The following SSBP2 variants were observed in gnomAD, a reference collection of about 807,000 sequenced individuals.
SSBP2 encodes single stranded DNA binding protein 2.
Under a neutral mutation model 61.8 loss-of-function variants are expected in SSBP2, and 17 were observed. The ratio of observed to expected loss-of-function variants is 0.28; its 90% CI spans 0.19 to 0.41. The LOEUF is 0.41. Ranked by LOEUF, SSBP2 falls within the 10% of genes least tolerant of loss-of-function variation. SSBP2 has a pLI of 1.00. For synonymous variants in SSBP2, 139 were observed against 141.3 expected, an observed-to-expected ratio of 0.98 and a Z score of 0.12; for missense variants, 310 against 458.7, an observed-to-expected ratio of 0.68 and a Z score of 2.96.
At chr5:81,732,913 A>G (rs80140245) in intron 1 of SSBP2, among the ~76,000 whole-genome samples, 3,385 of 152,266 alleles carry the variant, frequency 0.022, 124 homozygotes, top group African/African-American at 0.077. Context: ...ATCTCTTGTC[A>G]TTTCAGACAA....
chr5:81,515,845 A>G (rs1439903686), intron 4 of SSBP2, among the ~76,000 whole-genome samples: 1 of 151,888 alleles, frequency 6.6e-6, no homozygotes, highest in Non-Finnish European at 1.5e-5. Context: ...AGATTTAAGC[A>G]AGTTAAACCT....
intron 15 of SSBP2, among the ~76,000 whole-genome samples, chr5:81,432,175 G>A (rs1762330580): frequency 6.6e-6 from 1 of 151,972 alleles, no homozygotes; most frequent in Non-Finnish European, 1.5e-5. Context: ...TTCTCCCAGT[G>A]GGCACAAATG....
intron 3 of SSBP2, chr5:81,616,410 G>T (rs1415477877): frequency 1.4e-5 from 2 of 146,538 alleles, no homozygotes; most frequent in African/African-American, 5.1e-5. Context: ...AAGAAACGGC[G>T]CACCACGAGA....
At chr5:81,563,795 G>C (rs771264940) in intron 4 of SSBP2, among the ~76,000 whole-genome samples, 4 of 152,086 alleles carry the variant, frequency 2.6e-5, no homozygotes, top group East Asian at 3.9e-4. Context: ...AAAACTACTA[G>C]AGAAACATGA....
intron 5 of SSBP2, among the ~76,000 whole-genome samples, chr5:81,505,067 T>G (rs1768076614): frequency 6.6e-6 from 1 of 152,234 alleles, no homozygotes; most frequent in Admixed American, 6.5e-5. Flanking sequence ...CCTTTGGATC[T>G]CTCATAGGCT....
chr5:81,727,405 C>A (rs532081717), intron 1 of SSBP2, among the ~76,000 whole-genome samples: 13 of 152,030 alleles, frequency 8.6e-5, no homozygotes, highest in Non-Finnish European at 1.3e-4. Context: ...CAAAGTTAGC[C>A]GGGAGTGGTG....
At chr5:81,596,166 A>G (rs1743726818) in intron 4 of SSBP2, among the ~76,000 whole-genome samples, 1 of 152,206 alleles carries the variant, frequency 6.6e-6, no homozygotes, top group Admixed American at 6.5e-5. Flanking sequence ...CAATCTACAA[A>G]AATCACAAGC....
intron 15 of SSBP2, among the ~76,000 whole-genome samples, chr5:81,435,196 C>T (rs1426130759): frequency 6.6e-6 from 1 of 152,138 alleles, no homozygotes; most frequent in African/African-American, 2.4e-5. Flanking sequence ...ATTAACTTTG[C>T]TTTGTAAAAA....
chr5:81,695,064 C>T (rs182191892), intron 1 of SSBP2, among the ~76,000 whole-genome samples: 3 of 152,262 alleles, frequency 2.0e-5, no homozygotes, highest in Non-Finnish European at 2.9e-5. Flanking sequence ...GCTTCAATTA[C>T]AGATAATGTT....
chr5:81,750,705 C>A, intron 1 of SSBP2: 1 of 479,872 alleles, frequency 2.1e-6, no homozygotes, highest in East Asian at 3.9e-5. Context: ...ATCACCCAAA[C>A]AAGTTTCCAT....
At chr5:81,601,243 G>A (rs548614486) in intron 4 of SSBP2, among the ~76,000 whole-genome samples, 6 of 151,918 alleles carry the variant, frequency 3.9e-5, no homozygotes, top group South Asian at 4.2e-4. Context: ...TTTTTTCTAC[G>A]TGTATCTACA....
intron 1 of SSBP2, among the ~76,000 whole-genome samples, chr5:81,720,358 T>A (rs1755461873): frequency 6.6e-6 from 1 of 152,180 alleles, no homozygotes; most frequent in African/African-American, 2.4e-5. Flanking sequence ...ATACTGACTG[T>A]CTGTATCATA....
At chr5:81,696,110 G>A (rs1222996598) in intron 1 of SSBP2, among the ~76,000 whole-genome samples, 2 of 152,146 alleles carry the variant, frequency 1.3e-5, no homozygotes, top group East Asian at 1.9e-4. Flanking sequence ...TAGGCTGACT[G>A]CAAAGATTCC....
At chr5:81,435,950 G>A (rs1762644278) in intron 15 of SSBP2, among the ~76,000 whole-genome samples, 1 of 152,152 alleles carries the variant, frequency 6.6e-6, no homozygotes, top group African/African-American at 2.4e-5. Context: ...CACTCTGGGA[G>A]GCCGAGACGG....
chr5:81,501,212 AATATATATATATATATAT>A (rs1167504052), intron 5 of SSBP2, among the ~76,000 whole-genome samples: 1,584 of 28,830 alleles, frequency 0.055, 161 homozygotes, highest in African/African-American at 0.093. Flanking sequence ...CTCCATCTCA[AATATATATATATATATAT>A]ATATATATAT....
intron 4 of SSBP2, 132 bp from the exon 5 acceptor site, chr5:81,513,849 C>T (rs1329004003): frequency 1.8e-6 from 1 of 571,128 alleles, no homozygotes; most frequent in East Asian, 3.0e-5. Context: ...TTTCCCCATC[C>T]TAGAAGTAAA....
intron 4 of SSBP2, among the ~76,000 whole-genome samples, chr5:81,586,923 C>T (rs1775100389): frequency 6.6e-6 from 1 of 151,916 alleles, no homozygotes; most frequent in African/African-American, 2.4e-5. Context: ...TCTCTAGGGA[C>T]CTTCCCTAGT....
intron 1 of SSBP2, among the ~76,000 whole-genome samples, chr5:81,652,992 G>T (rs1009038603): frequency 6.8e-6 from 1 of 147,500 alleles, no homozygotes; most frequent in Admixed American, 6.8e-5. Context: ...TGTGCGGAAC[G>T]TGCAAGTTTG....
chr5:81,512,609 C>T (rs1768702142), intron 5 of SSBP2, among the ~76,000 whole-genome samples: 1 of 152,048 alleles, frequency 6.6e-6, no homozygotes. Flanking sequence ...TAAGCATGTC[C>T]TAAAGGACTA....
Sources: gnomAD v4.1 joint callset for allele counts (sites outside exome capture counted in the v4.1 genomes callset) on GRCh38, gnomAD v4.1.1 for gene constraint, MANE v1.5 for transcripts, NCBI Gene and HGNC (gene_info 2026-07-23, HGNC 2026-07-21) for gene names.